The following EML1 variants were observed in gnomAD, a reference collection of about 807,000 sequenced individuals.
The protein encoded by EML1 is echinoderm microtubule-associated protein-like 1.
Under a neutral mutation model 110.4 loss-of-function variants are expected in EML1, and 27 were observed. The observed-to-expected ratio is 0.24, with a 90% CI of 0.18 to 0.34. The LOEUF is 0.34. Among genes scored for constraint, EML1 ranks in the 10% least tolerant of loss-of-function variants. EML1 has a pLI of 1.00. For missense variants in EML1, 741 were observed against 1,030.9 expected, an observed-to-expected ratio of 0.72 and a Z score of 3.85; for synonymous variants, 344 against 385.8, an observed-to-expected ratio of 0.89 and a Z score of 1.27.
At chr14:99,819,886 A>G (rs150276970) in intron 1 of EML1, among the ~76,000 whole-genome samples, 1 of 152,346 alleles carries the variant, frequency 6.6e-6, no homozygotes, top group East Asian at 1.9e-4. Context: ...AATCTTGTGT[A>G]ATGTGCTTCT....
chr14:99,760,215 GA>G (rs1229060459), intron 1 of EML1, among the ~76,000 whole-genome samples: 1 of 150,644 alleles, frequency 6.6e-6, no homozygotes. Flanking sequence ...ACTAAATGGA[GA>G]AAAAGAAAAT....
chr14:99,777,866 C>A (rs572855156), intron 1 of EML1, among the ~76,000 whole-genome samples: 1 of 152,198 alleles, frequency 6.6e-6, no homozygotes, highest in Non-Finnish European at 1.5e-5. Flanking sequence ...TTACTGCAGT[C>A]TCAACCTCCT....
chr14:99,893,817 G>A (rs574431907), intron 5 of EML1, among the ~76,000 whole-genome samples: 8 of 152,290 alleles, frequency 5.3e-5, no homozygotes, highest in South Asian at 2.1e-4. Context: ...CACCAGGAGC[G>A]GAGCTCACAA....
intron 1 of EML1, among the ~76,000 whole-genome samples, chr14:99,845,737 A>G (rs1176406153): frequency 6.6e-6 from 1 of 152,236 alleles, no homozygotes; most frequent in Non-Finnish European, 1.5e-5. Flanking sequence ...GTGTGAAACA[A>G]TTATCTGTTA....
At chr14:99,765,641 T>C (rs2057360656) in intron 1 of EML1, among the ~76,000 whole-genome samples, 1 of 152,178 alleles carries the variant, frequency 6.6e-6, no homozygotes, top group African/African-American at 2.4e-5. Context: ...TCTGGCTCTT[T>C]CGCCCAGGCT....
rs748146511 is a variant in EML1 at position 99,917,853 on chromosome 14, A to C, written c.1820+4A>C. 101 of 1,614,044 alleles carry C rather than the reference A, an allele frequency of 6.3e-5. No individual in the cohort carries two copies. Among genetic ancestry groups the C allele is most frequent in the Non-Finnish European group, 8.6e-5 (101 of 1,180,014 alleles). On this transcript the variant is annotated splice_donor_region_variant and intron_variant, in intron 16 of 21. Coordinates refer to ENST00000262233, the MANE Select transcript of EML1 (RefSeq NM_004434.3). ...CAGTCGGAACACTCACTGGGAGGTAAGTCCATGCCAACAGCGCTTGTGCTT... is the reference window on the plus strand; with the variant it reads ...CAGTCGGAACACTCACTGGGAGGTACGTCCATGCCAACAGCGCTTGTGCTT...
At chr14:99,812,384 A>G (rs948978827) in intron 1 of EML1, among the ~76,000 whole-genome samples, 1 of 151,794 alleles carries the variant, frequency 6.6e-6, no homozygotes, top group Non-Finnish European at 1.5e-5. Flanking sequence ...CCAAATGAAT[A>G]TTTTCTAACC....
intron 1 of EML1, chr14:99,809,603 T>A (rs1159416899): frequency 2.0e-5 from 9 of 455,920 alleles, no homozygotes; most frequent in Non-Finnish European, 3.1e-5. Context: ...TGCCTTGAGA[T>A]TTAACAGCCC....
intron 17 of EML1, among the ~76,000 whole-genome samples, chr14:99,923,790 G>A (rs915827321): frequency 1.3e-5 from 2 of 152,114 alleles, no homozygotes; most frequent in African/African-American, 4.8e-5. Context: ...TAAATTTTAG[G>A]ATCAGCTTGT....
rs1031076746 is a variant in EML1, at chr14:99,781,426, C to T, written c.-27+7413C>T. Among the ~76,000 whole-genome samples, 6 of 152,182 alleles carry T rather than the reference C, an allele frequency of 3.9e-5. No individual in the cohort carries two copies. Among genetic ancestry groups the T allele is most frequent in the Admixed American group, 2.6e-4 (4 of 15,284 alleles). On this transcript the variant is annotated intron_variant, in intron 1 of 22. Coordinates refer to the EML1 transcript ENST00000327921. This position sits in a 1 kb window ranked among gnomAD's most constrained non-coding sequence, Gnocchi z 4.2. ...ATTCCTACACCCCACCACTCCTGCC[C>T]TCTAGACCCCAGATCCTCTCTTGGC...
rs75712888 is a variant in EML1 at position 99,754,596 on chromosome 14, C to T, written c.28+16736C>T. ...TCAACTGTACAGCTGGAGATAGAGG[C>T]GTGGGCAGGCAGGGTTTGCATGCAT... On this transcript the variant is annotated intron_variant, in intron 1 of 10. Transcript: ENST00000554479. Among the ~76,000 whole-genome samples, 1,493 of 152,262 alleles carry T rather than the reference C, an allele frequency of 9.8e-3. 30 individuals are homozygous for T. The highest frequency in any genetic ancestry group is 0.034 in the African/African-American group (1,428 of 41,560).
chr14:99,861,818 A>G (rs375146584), intron 2 of EML1, among the ~76,000 whole-genome samples: 2 of 152,178 alleles, frequency 1.3e-5, no homozygotes, highest in East Asian at 3.9e-4. Context: ...TTATTTTAGG[A>G]TAGTTTTAGA....
At chr14:99,897,326 C>A in intron 7 of EML1, 32 bp downstream of exon 7, 1 of 1,558,312 alleles carries the variant, frequency 6.4e-7, no homozygotes, top group South Asian at 1.2e-5. Flanking sequence ...TCCTGCGACT[C>A]AGAAGGCGAA....
chr14:99,748,801 A>G (rs117947288), intron 1 of EML1, among the ~76,000 whole-genome samples: 1 of 152,196 alleles, frequency 6.6e-6, no homozygotes, highest in African/African-American at 2.4e-5. Context: ...TCCAATACCC[A>G]TTAGTAGCGA....
chr14:99,937,194 G>A (rs763127482), intron 19 of EML1, among the ~76,000 whole-genome samples: 7 of 152,208 alleles, frequency 4.6e-5, no homozygotes, highest in Non-Finnish European at 8.8e-5. Context: ...AGGGCAGTGT[G>A]TACCGAGACT....
chr14:99,821,743 G>T (rs1053127491), intron 1 of EML1, among the ~76,000 whole-genome samples: 4 of 152,208 alleles, frequency 2.6e-5, no homozygotes, highest in African/African-American at 9.6e-5. Flanking sequence ...ACTCTAGAGT[G>T]TCTGTGCCAT....
intron 1 of EML1, among the ~76,000 whole-genome samples, chr14:99,806,903 G>A (rs377076292): frequency 1.3e-5 from 2 of 152,138 alleles, no homozygotes; most frequent in Non-Finnish European, 1.5e-5. Flanking sequence ...CCTTCTGATC[G>A]CCAATAACAT....
intron 17 of EML1, among the ~76,000 whole-genome samples, chr14:99,927,972 A>G (rs866962202): frequency 0.041 from 31 of 764 alleles, no homozygotes; most frequent in Middle Eastern, 0.5. Flanking sequence ...GGTGGTGGTG[A>G]TGGTGGTGGT....
At chr14:99,773,009 C>T (rs943075684) in exon 1 of EML1, 1 of 152,190 alleles carries the variant, frequency 6.6e-6, no homozygotes, top group Non-Finnish European at 1.5e-5. Context: ...CACAGGCCAT[C>T]CCCACAGATA....
Sources: allele counts gnomAD v4.1 joint callset (sites outside exome capture counted in the v4.1 genomes callset), GRCh38; gene constraint gnomAD v4.1.1; non-coding constraint Gnocchi (gnomAD v3.1); transcripts MANE v1.5; gene names NCBI Gene and HGNC (gene_info 2026-07-23, HGNC 2026-07-21).